The following PLEK variants were observed in gnomAD, a reference collection of about 807,000 sequenced individuals.
PLEK encodes pleckstrin.
Under a neutral mutation model 43.9 loss-of-function variants are expected in PLEK, and 25 were observed. That is an observed-to-expected ratio of 0.57 (90% confidence interval 0.41 to 0.79). The LOEUF (loss-of-function observed/expected upper bound fraction) is 0.79. PLEK is among the 30% of genes least tolerant of loss of function. PLEK has a pLI of 0.00. For missense variants in PLEK, 396 were observed against 413.3 expected (o/e 0.96, Z 0.36); for synonymous variants, 152 against 144.4 (o/e 1.05, Z -0.38).
At chr2:68,368,134 A>C (rs1404501508) in intron 1 of PLEK, among the ~76,000 whole-genome samples, 1 of 152,194 alleles carries the variant, frequency 6.6e-6, no homozygotes, top group East Asian at 1.9e-4. Flanking sequence ...TTGCCTCCTG[A>C]ATAAGATCTC....
chr2:68,396,017 C>G lies in PLEK; in HGVS notation c.*201C>G. 1.8e-6 allele frequency: 1 copy of G among 552,926 alleles called. No homozygotes were observed. The highest frequency in any genetic ancestry group is 3.3e-6 in the Non-Finnish European group (1 of 305,064). 34.3% of individuals were successfully genotyped at this position (552,926 alleles called of 1,614,324 possible). A position where few individuals can be genotyped will look rare whatever the true frequency, so the allele number is the denominator to read the frequency against. ...ATTGCTCACTGCAGCCCCTCTGCCC[C>G]TATCCATGACCCCCAAGCAGATATA... On this transcript the variant is annotated 3_prime_UTR_variant, in exon 9 of 9. Coordinates refer to ENST00000234313, the MANE Select transcript of PLEK (RefSeq NM_002664.3).
intron 1 of PLEK, among the ~76,000 whole-genome samples, chr2:68,372,582 T>G (rs1673431797): frequency 6.6e-6 from 1 of 152,180 alleles, no homozygotes; most frequent in African/African-American, 2.4e-5. Context: ...AGTCCCATGA[T>G]GATGAACAGG....
At chr2:68,388,036 G>C (rs1280801689) in intron 5 of PLEK, 1 of 208,880 alleles carries the variant, frequency 4.8e-6, no homozygotes, top group African/African-American at 2.3e-5. Flanking sequence ...TGCTTTCAAG[G>C]ATGTGACCAT....
At chr2:68,391,917 C>T (rs543120163) in intron 6 of PLEK, among the ~76,000 whole-genome samples, 1 of 152,232 alleles carries the variant, frequency 6.6e-6, no homozygotes, top group East Asian at 1.9e-4. Context: ...TTAAAATCTG[C>T]TACACACTAA....
intron 1 of PLEK, 178 bp downstream of exon 1, chr2:68,365,571 C>T (rs1673252762): frequency 1.8e-6 from 1 of 554,060 alleles, no homozygotes; most frequent in East Asian, 3.2e-5. Flanking sequence ...TGGGGATACT[C>T]ATCCAGCCCC....
At chr2:68,372,391 G>A (rs1340351735) in intron 1 of PLEK, among the ~76,000 whole-genome samples, 1 of 151,970 alleles carries the variant, frequency 6.6e-6, no homozygotes, top group Non-Finnish European at 1.5e-5. Flanking sequence ...GGCCAGGCTG[G>A]TCTCAAACTC....
chr2:68,374,281 C>T (rs1673462651), intron 1 of PLEK, among the ~76,000 whole-genome samples: 1 of 152,176 alleles, frequency 6.6e-6, no homozygotes, highest in Non-Finnish European at 1.5e-5. Flanking sequence ...TTATCTAATA[C>T]ACCTTTTACA....
chr2:68,367,973 T>G (rs1199900733), intron 1 of PLEK, among the ~76,000 whole-genome samples: 2 of 152,250 alleles, frequency 1.3e-5, no homozygotes, highest in Non-Finnish European at 2.9e-5. Context: ...GATAAGTTGT[T>G]TTGGGTGGAA....
At chr2:68,366,149 G>A (rs1222630356) in intron 1 of PLEK, among the ~76,000 whole-genome samples, 1 of 152,192 alleles carries the variant, frequency 6.6e-6, no homozygotes, top group Non-Finnish European at 1.5e-5. Context: ...TTGGTGTCCT[G>A]TGGGCAACAC....
rs1369597925 is a variant in PLEK at position 68,393,149 on chromosome 2, A to C, written c.763-13A>C. 1 of 1,556,762 alleles carries C rather than the reference A, an allele frequency of 6.4e-7. No homozygotes were observed. Among genetic ancestry groups the C allele is most frequent in the Admixed American group, 1.7e-5 (1 of 59,936 alleles). On this transcript the variant is annotated splice_polypyrimidine_tract_variant and intron_variant, in intron 6 of 8. Transcript: ENST00000234313. ...TTCACCATCCCTTCTTTTAATGTTG[A>C]TCCTGGATACAGGGGCATAGAAGGA...
rs139124172 is a variant in PLEK at position 68,382,429 on chromosome 2, G to A, written c.381-113G>A. On this transcript the variant is annotated intron_variant, in intron 3 of 8. Coordinates refer to ENST00000234313, the MANE Select transcript of PLEK (RefSeq NM_002664.3). ...TTAAGCTCAGGGGATACCTGGGGTG[G>A]GGGAGCTTGTGCTCACCTCCCAGAG... The A allele has an allele frequency of 5.3e-4, 341 of 639,272 alleles. 2 individuals are homozygous for A. The African/African-American group carries it at 5.7e-3, about 11-fold the overall frequency. 39.6% of individuals were successfully genotyped at this position (639,272 alleles called of 1,614,324 possible). A position where few individuals can be genotyped will look rare whatever the true frequency, so the allele number is the denominator to read the frequency against.
chr2:68,388,401 C>T lies in PLEK; in HGVS notation c.672C>T (p.Phe224=), dbSNP rs1249815316. 15 of 1,606,282 alleles carry T rather than the reference C, an allele frequency of 9.3e-6. No individual in the cohort carries two copies. Among genetic ancestry groups the T allele is most frequent in the Non-Finnish European group, 1.2e-5 (14 of 1,173,052 alleles). Residue 224 remains phenylalanine, a synonymous_variant, in exon 6 of 9, where the codon TTC becomes TTT. Transcript: ENST00000234313. ...TTTTCCAACAGCCAGACAGTGGGTT[C>T]TTCTGTGAAGAGAATTCCAGTGATG... The part of the protein sequence containing the change: ...DAFYYFPDSG[F]FCEENSSDDD...
rs200246638 is a variant in PLEK at position 68,380,496 on chromosome 2, C to T, written c.198+13C>T. The T allele has an allele frequency of 5.6e-6, 9 of 1,611,680 alleles. No individual in the cohort carries two copies. The highest frequency in any genetic ancestry group is 1.7e-4 in the Middle Eastern group (1 of 6,048). On this transcript the variant is annotated intron_variant, in intron 2 of 8. Transcript: ENST00000234313. ...TGGCAAAAGGATGGTAAGTTGACATCATGAGCTGCCGTGAACCCCTGGTCA... is the reference window on the plus strand; with the variant it reads ...TGGCAAAAGGATGGTAAGTTGACATTATGAGCTGCCGTGAACCCCTGGTCA...
intron 6 of PLEK, among the ~76,000 whole-genome samples, chr2:68,392,297 G>C (rs1244692071): frequency 1.3e-5 from 2 of 150,084 alleles, no homozygotes; most frequent in African/African-American, 5.0e-5. Flanking sequence ...AGTTCCTAAT[G>C]ATTTTATGCC....
rs572856115 is a variant in PLEK, at chr2:68,380,753, C to T, written c.229C>T (p.Gln77Ter). ...GTTTAAGATCACTACGACCAAACAGCAGGACCACTTCTTCCAGGCAGCCTT... is the reference window on the plus strand; with the variant it reads ...GTTTAAGATCACTACGACCAAACAGTAGGACCACTTCTTCCAGGCAGCCTT... Reference protein sequence around the residue: ...FVFKITTTKQQDHFFQAAFLE... With the variant: ...FVFKITTTKQ Residue 77 changes from glutamine to a stop codon, truncating the protein, a stop_gained, in exon 3 of 9, where the codon CAG becomes TAG. Transcript: ENST00000234313. LOFTEE classifies it high-confidence loss of function. The T allele has an allele frequency of 1.5e-5, 24 of 1,613,810 alleles. No individual in the cohort carries two copies. The highest frequency in any genetic ancestry group is 1.9e-5 in the Non-Finnish European group (22 of 1,179,882).
At chr2:68,389,425 A>G (rs1241529301) in intron 6 of PLEK, among the ~76,000 whole-genome samples, 1 of 152,134 alleles carries the variant, frequency 6.6e-6, no homozygotes, top group African/African-American at 2.4e-5. Flanking sequence ...GCTCCACGGG[A>G]CTGGGGGATC....
intron 6 of PLEK, among the ~76,000 whole-genome samples, chr2:68,389,136 G>A (rs1245578713): frequency 6.6e-6 from 1 of 152,226 alleles, no homozygotes; most frequent in African/African-American, 2.4e-5. Flanking sequence ...CGGTTACCAG[G>A]TGCCAAGGCA....
chr2:68,387,582 A>G (rs1198434185), intron 5 of PLEK, among the ~76,000 whole-genome samples: 4 of 152,194 alleles, frequency 2.6e-5, no homozygotes, highest in African/African-American at 4.8e-5. Flanking sequence ...GGGAAACACT[A>G]TATTATACAA....
chr2:68,387,013 T>A (rs113440879), intron 5 of PLEK, among the ~76,000 whole-genome samples: 3,526 of 152,250 alleles, frequency 0.023, 73 homozygotes, highest in African/African-American at 0.044. Context: ...TATTATTATT[T>A]TTTATTTATT....
Sources: allele counts gnomAD v4.1 joint callset (sites outside exome capture counted in the v4.1 genomes callset), GRCh38; gene constraint gnomAD v4.1.1; transcripts MANE v1.5; gene names NCBI Gene and HGNC (gene_info 2026-07-23, HGNC 2026-07-21).